FOXP2: variants seen among roughly 807,000 people sequenced by gnomAD.
The protein encoded by FOXP2 is forkhead box protein P2.
In FOXP2, 12 loss-of-function variants were observed where a neutral mutation model predicts 115.8. That is an observed-to-expected ratio of 0.10 (90% CI 0.07 to 0.17). The LOEUF (loss-of-function observed/expected upper bound fraction) is 0.17, where lower values mean the gene tolerates loss of function less well. FOXP2 is among the 10% of genes least tolerant of loss of function. The pLI is 1.00. For missense variants in FOXP2, 629 were observed against 843.5 expected, an observed-to-expected ratio of 0.75 and a Z score of 3.15; for synonymous variants, 328 against 297.7, an observed-to-expected ratio of 1.10 and a Z score of -1.05.
chr7:114,398,106 G>A (rs1792788733), intron 2 of FOXP2, among the ~76,000 whole-genome samples: 1 of 151,986 alleles, frequency 6.6e-6, no homozygotes, highest in Non-Finnish European at 1.5e-5. Context: ...TAATTTTAAA[G>A]TTAACATATA....
intron 3 of FOXP2, among the ~76,000 whole-genome samples, chr7:114,611,869 CAT>C (rs759305688): frequency 4.0e-5 from 6 of 151,820 alleles, no homozygotes; most frequent in Non-Finnish European, 7.4e-5. Context: ...TGGGTAAAGA[CAT>C]GTAGATAAAA....
chr7:114,324,384 C>T (rs1302017130), intron 2 of FOXP2, among the ~76,000 whole-genome samples: 1 of 151,830 alleles, frequency 6.6e-6, no homozygotes, highest in Non-Finnish European at 1.5e-5. Context: ...TTTGAGCTAG[C>T]CTGTTTATTT....
chr7:114,356,618 A>G (rs1791622813), intron 2 of FOXP2, among the ~76,000 whole-genome samples: 1 of 152,162 alleles, frequency 6.6e-6, no homozygotes, highest in South Asian at 2.1e-4. Context: ...AAAATCAAGG[A>G]AAGATTTGTG....
At chr7:114,586,538 G>A (rs952844681) in intron 3 of FOXP2, among the ~76,000 whole-genome samples, 1 of 151,850 alleles carries the variant, frequency 6.6e-6, no homozygotes, top group Non-Finnish European at 1.5e-5. Flanking sequence ...AACAATATTT[G>A]CATCTTATAT....
At chr7:114,552,058 A>G (rs1312407832) in intron 3 of FOXP2, among the ~76,000 whole-genome samples, 2 of 152,326 alleles carry the variant, frequency 1.3e-5, no homozygotes, top group Non-Finnish European at 2.9e-5. Flanking sequence ...GATACTGTTA[A>G]CACATATTTT....
intron 1 of FOXP2, among the ~76,000 whole-genome samples, chr7:114,173,698 A>G (rs1181432449): frequency 6.6e-6 from 1 of 151,912 alleles, no homozygotes; most frequent in East Asian, 1.9e-4. Flanking sequence ...AAGGAATTAC[A>G]TTTTGAACAT....
intron 1 of FOXP2, among the ~76,000 whole-genome samples, chr7:114,110,191 C>T (rs1044035508): frequency 6.6e-6 from 1 of 152,070 alleles, no homozygotes; most frequent in Admixed American, 6.6e-5. Flanking sequence ...TTCTAACCTC[C>T]GTAGTCCAGA....
At chr7:114,256,881 T>C (rs1032025469) in intron 1 of FOXP2, among the ~76,000 whole-genome samples, 8 of 152,210 alleles carry the variant, frequency 5.3e-5, no homozygotes, top group Non-Finnish European at 1.0e-4. Context: ...CAAAGTAATT[T>C]ATAGATTCAG....
chr7:114,333,122 A>G (rs1162180224), intron 2 of FOXP2, among the ~76,000 whole-genome samples: 1 of 152,236 alleles, frequency 6.6e-6, no homozygotes, highest in African/African-American at 2.4e-5. Context: ...TCTAAATTAC[A>G]AAAAATAAAC....
At chr7:114,566,396 T>C (rs1289764766) in intron 3 of FOXP2, among the ~76,000 whole-genome samples, 1 of 152,084 alleles carries the variant, frequency 6.6e-6, no homozygotes, top group African/African-American at 2.4e-5. Flanking sequence ...AGTGGATTCC[T>C]CATGAATGTC....
At chr7:114,497,343 G>A (rs1797364509) in intron 2 of FOXP2, among the ~76,000 whole-genome samples, 2 of 152,020 alleles carry the variant, frequency 1.3e-5, no homozygotes, top group South Asian at 4.1e-4. Flanking sequence ...ATACATAAAG[G>A]TCACTTTTAA....
intron 2 of FOXP2, among the ~76,000 whole-genome samples, chr7:114,401,672 C>T (rs1792890032): frequency 6.6e-6 from 1 of 152,198 alleles, no homozygotes; most frequent in South Asian, 2.1e-4. Flanking sequence ...TCTCTCTATA[C>T]TGTGCTGATC....
intron 1 of FOXP2, among the ~76,000 whole-genome samples, chr7:114,265,339 G>A (rs1795870253): frequency 6.6e-6 from 1 of 152,148 alleles, no homozygotes; most frequent in Admixed American, 6.5e-5. Flanking sequence ...AAACCCAGCA[G>A]GGCAGTCATT....
chr7:114,624,758 A>G (rs1314495644), intron 3 of FOXP2, among the ~76,000 whole-genome samples: 1 of 151,638 alleles, frequency 6.6e-6, no homozygotes, highest in Non-Finnish European at 1.5e-5. Context: ...ATATAAACAC[A>G]TTTATAATAT....
chr7:114,154,893 G>A (rs1293146004), intron 1 of FOXP2, among the ~76,000 whole-genome samples: 4 of 152,014 alleles, frequency 2.6e-5, no homozygotes, highest in African/African-American at 7.2e-5. Context: ...TGTAAATTGT[G>A]GGGGTTGAAC....
rs1795747238 is a variant in FOXP2, at chr7:114,261,440, G to A, written c.-101-26579G>A. Among the ~76,000 whole-genome samples, 3 of 152,086 alleles carry A rather than the reference G, an allele frequency of 2.0e-5. 1 individual carries two copies. Among genetic ancestry groups the A allele is most frequent in the South Asian group, 4.1e-4 (2 of 4,826 alleles). ...TTCCTTGCGTGTTTCATTGTATTTT[G>A]ATTATCTAAGGAAAAGACTATTCAG... On this transcript the variant is annotated intron_variant, in intron 1 of 17. Transcript: ENST00000634411.
intron 2 of FOXP2, among the ~76,000 whole-genome samples, chr7:114,470,447 TA>T (rs1194325124): frequency 1.3e-5 from 2 of 152,330 alleles, no homozygotes; most frequent in African/African-American, 4.8e-5. Flanking sequence ...TATTTATGAT[TA>T]TATGTTATTT....
chr7:114,207,760 GT>G (rs1348934813), intron 1 of FOXP2, among the ~76,000 whole-genome samples: 1 of 152,174 alleles, frequency 6.6e-6, no homozygotes, highest in Non-Finnish European at 1.5e-5. Flanking sequence ...AAACTAAACA[GT>G]TTTTTGAATT....
intron 2 of FOXP2, among the ~76,000 whole-genome samples, chr7:114,513,048 T>C (rs977429): frequency 0.026 from 3,953 of 152,150 alleles, 173 homozygotes; most frequent in African/African-American, 0.087. Flanking sequence ...CTCACCACTG[T>C]ACTCCAGCCT....
Sources: allele counts gnomAD v4.1 joint callset (sites outside exome capture counted in the v4.1 genomes callset), GRCh38; gene constraint gnomAD v4.1.1; transcripts MANE v1.5; gene names NCBI Gene and HGNC (gene_info 2026-07-23, HGNC 2026-07-21).